The following PTPRD variants were observed in gnomAD, a reference collection of about 807,000 sequenced individuals.
PTPRD encodes the protein protein tyrosine phosphatase receptor type D.
A neutral mutation model predicts 214.5 loss-of-function variants in PTPRD; 34 were observed. The observed-to-expected ratio is 0.16, with a 90% CI of 0.12 to 0.21. The LOEUF (loss-of-function observed/expected upper bound fraction) is 0.21. Ranked by LOEUF, PTPRD falls within the 10% of genes least tolerant of loss-of-function variation. The pLI is 1.00. For synonymous variants in PTPRD, 1,128 were observed against 845.7 expected (o/e 1.33, Z -5.79); for missense variants, 2,545 against 2,398.7 (o/e 1.06, Z -1.27).
intron 7 of PTPRD, among the ~76,000 whole-genome samples, chr9:9,589,923 A>G (rs2092539460): frequency 6.6e-6 from 1 of 152,058 alleles, no homozygotes; most frequent in African/African-American, 2.4e-5. Context: ...TCTACAGGTC[A>G]TCTCGGCAAT....
chr9:9,199,128 C>G (rs1593389735), intron 9 of PTPRD, among the ~76,000 whole-genome samples: 1 of 152,104 alleles, frequency 6.6e-6, no homozygotes, highest in East Asian at 1.9e-4. Context: ...CAAGGAGACA[C>G]AATATCATCC....
chr9:8,525,172 T>G (rs1592753369), intron 17 of PTPRD, 137 bp from the exon 18 acceptor site: 2 of 790,108 alleles, frequency 2.5e-6, no homozygotes, highest in East Asian at 2.4e-5. Flanking sequence ...TCTTGCTAAG[T>G]TGCACAGACA....
intron 8 of PTPRD, among the ~76,000 whole-genome samples, chr9:9,508,615 T>G (rs16929632): frequency 0.063 from 9,512 of 151,764 alleles, 346 homozygotes; most frequent in African/African-American, 0.11. Flanking sequence ...CCACATTTTA[T>G]AAACTATCAC....
chr9:8,409,304 T>TG (rs1454021259), intron 35 of PTPRD, among the ~76,000 whole-genome samples: 2 of 152,128 alleles, frequency 1.3e-5, no homozygotes, highest in East Asian at 3.9e-4. Flanking sequence ...GAGGCCAGGC[T>TG]GGGGGTCCAC....
At chr9:8,589,339 C>G (rs2093922188) in intron 14 of PTPRD, among the ~76,000 whole-genome samples, 1 of 152,212 alleles carries the variant, frequency 6.6e-6, no homozygotes, top group Middle Eastern at 3.4e-3. Flanking sequence ...TTTAATGTAG[C>G]AAAATACTCT....
chr9:9,450,095 G>GGT lies in PTPRD; in HGVS notation c.-236-52615_-236-52614dup, dbSNP rs535344466. Among the ~76,000 whole-genome samples the GGT allele has an allele frequency of 9.9e-3, 1,446 of 146,078 alleles. 8 individuals carry two copies. The highest frequency in any genetic ancestry group is 0.013 in the Non-Finnish European group (891 of 66,384). ...GTTTTATGGCTGAGTAGTATTCCAT[G>GGT]GTGTGTGTGTGTGTGTGTGTGTGTC... On this transcript the variant is annotated intron_variant, in intron 8 of 45. Coordinates refer to ENST00000381196, the MANE Select transcript of PTPRD (RefSeq NM_002839.4).
chr9:9,842,930 C>G, intron 5 of PTPRD, among the ~76,000 whole-genome samples: 1 of 152,032 alleles, frequency 6.6e-6, no homozygotes, highest in East Asian at 1.9e-4. Context: ...TCATGTAAAA[C>G]TTTCTATACG....
chr9:10,467,531 T>G (rs2099002711), intron 2 of PTPRD, among the ~76,000 whole-genome samples: 1 of 152,158 alleles, frequency 6.6e-6, no homozygotes, highest in African/African-American at 2.4e-5. Context: ...AAGGGGAAAC[T>G]GCATGCACAC....
intron 9 of PTPRD, among the ~76,000 whole-genome samples, chr9:9,223,989 T>C (rs973086914): frequency 6.6e-6 from 1 of 152,084 alleles, no homozygotes; most frequent in Non-Finnish European, 1.5e-5. Context: ...GTATTGAATA[T>C]AACAAATGTA....
chr9:9,334,629 T>C (rs768360189), intron 9 of PTPRD, among the ~76,000 whole-genome samples: 10 of 151,998 alleles, frequency 6.6e-5, no homozygotes, highest in Non-Finnish European at 1.2e-4. Flanking sequence ...GTTAACTCCA[T>C]CTATAAAATG....
At chr9:8,450,245 C>A (rs2095881989) in intron 33 of PTPRD, among the ~76,000 whole-genome samples, 1 of 152,154 alleles carries the variant, frequency 6.6e-6, no homozygotes, top group African/African-American at 2.4e-5. Context: ...AACTACCTGA[C>A]CTTAAGCTGA....
intron 10 of PTPRD, among the ~76,000 whole-genome samples, chr9:9,025,667 G>A (rs913500300): frequency 6.6e-6 from 1 of 151,966 alleles, no homozygotes; most frequent in African/African-American, 2.4e-5. Context: ...TAATTTGGGA[G>A]CGGGTAAGGA....
At chr9:8,930,256 C>T (rs1250201494) in intron 11 of PTPRD, among the ~76,000 whole-genome samples, 1 of 151,912 alleles carries the variant, frequency 6.6e-6, no homozygotes, top group Non-Finnish European at 1.5e-5. Flanking sequence ...ATGATGGTTT[C>T]CAGCTTCATC....
chr9:10,444,401 A>G (rs1485020969), intron 2 of PTPRD, among the ~76,000 whole-genome samples: 1 of 151,958 alleles, frequency 6.6e-6, no homozygotes, highest in Non-Finnish European at 1.5e-5. Flanking sequence ...CTTTACAGAC[A>G]TAAATACTAA....
chr9:10,356,775 G>C (rs1204485935), intron 2 of PTPRD, among the ~76,000 whole-genome samples: 2 of 151,948 alleles, frequency 1.3e-5, no homozygotes, highest in African/African-American at 4.8e-5. Flanking sequence ...TGTCTCCCAA[G>C]TTCAAGGGGT....
chr9:9,927,502 T>C (rs769186816), intron 5 of PTPRD, among the ~76,000 whole-genome samples: 4 of 152,128 alleles, frequency 2.6e-5, no homozygotes, highest in Non-Finnish European at 5.9e-5. Flanking sequence ...CCTTCTCAGT[T>C]GCTTTAACAA....
chr9:9,149,254 A>G (rs1288453801), intron 10 of PTPRD, among the ~76,000 whole-genome samples: 2 of 152,244 alleles, frequency 1.3e-5, no homozygotes, highest in East Asian at 1.9e-4. Context: ...GATAATCCAC[A>G]TAAGGCTTGT....
At chr9:8,687,900 T>C (rs2097717200) in intron 12 of PTPRD, among the ~76,000 whole-genome samples, 1 of 152,172 alleles carries the variant, frequency 6.6e-6, no homozygotes, top group South Asian at 2.1e-4. Flanking sequence ...CAAATCTTTG[T>C]CTTTGATAAT....
At chr9:9,436,223 T>C (rs1310067619) in intron 8 of PTPRD, among the ~76,000 whole-genome samples, 1 of 152,176 alleles carries the variant, frequency 6.6e-6, no homozygotes, top group Admixed American at 6.5e-5. Context: ...ATCTGCATGA[T>C]AAGCTTCTAG....
Sources: gnomAD v4.1 joint callset for allele counts (sites outside exome capture counted in the v4.1 genomes callset) on GRCh38, gnomAD v4.1.1 for gene constraint, MANE v1.5 for transcripts, NCBI Gene and HGNC (gene_info 2026-07-23, HGNC 2026-07-21) for gene names.